TMEM200A: variants seen among roughly 807,000 people sequenced by gnomAD.
TMEM200A encodes two transmembrane C.
In TMEM200A, 12 loss-of-function variants were observed where a neutral mutation model predicts 24.3. The observed-to-expected ratio is 0.49, with a 90% CI of 0.32 to 0.80. The LOEUF (loss-of-function observed/expected upper bound fraction) is 0.80, where lower values mean the gene tolerates loss of function less well. Ranked by LOEUF, TMEM200A falls within the 30% of genes least tolerant of loss-of-function variation. The pLI is 0.04. For missense variants in TMEM200A, 545 were observed against 614.4 expected (o/e 0.89, Z 1.19); for synonymous variants, 224 against 224.4 (o/e 1.00, Z 0.02).
intron 1 of TMEM200A, among the ~76,000 whole-genome samples, chr6:130,378,909 A>G (rs1020983766): frequency 6.6e-6 from 1 of 152,212 alleles, no homozygotes; most frequent in Non-Finnish European, 1.5e-5. Flanking sequence ...GGATTATTAG[A>G]GTGCTGGCAA....
Position 130,441,586 on chromosome 6 carries a change from G to A in TMEM200A, c.1164G>A (p.Leu388=), listed in dbSNP as rs1025534976. The change falls in exon 3 of 3, where the codon TTG becomes TTA. Residue 388 remains leucine, a synonymous_variant. Coordinates refer to ENST00000296978, the MANE Select transcript of TMEM200A (RefSeq NM_001258277.2). The stretch of plus-strand genomic sequence containing the variant: ...GACAGTTTGGGTCCAATACATCCTT[G>A]CATTTGCTCTCGTCACACTCAAAGT... ...ARRQFGSNTS[L]HLLSSHSKSL... 5.0e-6 allele frequency: 8 copies of A among 1,613,864 alleles called. No individual in the cohort carries two copies. The highest frequency in any genetic ancestry group is 6.8e-6 in the Non-Finnish European group (8 of 1,179,996).
rs1041958296 is a variant in TMEM200A, at chr6:130,366,406, C to T, written c.-199C>T. 9 of 985,440 alleles carry T rather than the reference C, an allele frequency of 9.1e-6. No individual in the cohort carries two copies. The African/African-American group carries it at 1.2e-4, about 13-fold the overall frequency. 61.0% of individuals were successfully genotyped at this position (985,440 alleles called of 1,614,324 possible). Reference sequence around the variant, plus strand: ...CGAGATTCCCGCTGACGCCCCCGACCCTGCCGCCTTCTTCGTCCGCCTCCA... The same window carrying T: ...CGAGATTCCCGCTGACGCCCCCGACTCTGCCGCCTTCTTCGTCCGCCTCCA... On this transcript the variant is annotated 5_prime_UTR_variant, in exon 1 of 3. Coordinates refer to ENST00000296978, the MANE Select transcript of TMEM200A (RefSeq NM_001258277.2). This position sits in a 1 kb window ranked among gnomAD's most constrained non-coding sequence, Gnocchi z 4.4.
chr6:130,415,334 T>C (rs1779425056), intron 2 of TMEM200A, among the ~76,000 whole-genome samples: 2 of 152,112 alleles, frequency 1.3e-5, no homozygotes, highest in African/African-American at 4.8e-5. Flanking sequence ...GAGCAGAAGG[T>C]TCCTGTGTAC....
chr6:130,381,800 G>T, intron 1 of TMEM200A: 1 of 481,050 alleles, frequency 2.1e-6, no homozygotes, highest in Non-Finnish European at 2.7e-6. Flanking sequence ...GAAGCAGAAA[G>T]GTTTATTTGG....
intron 2 of TMEM200A, among the ~76,000 whole-genome samples, chr6:130,392,350 A>G (rs1778854055): frequency 6.6e-6 from 1 of 152,134 alleles, no homozygotes; most frequent in Non-Finnish European, 1.5e-5. Context: ...TTTTGCCCTC[A>G]CTATTTCCCT....
chr6:130,417,083 AT>A (rs999305959), intron 2 of TMEM200A, among the ~76,000 whole-genome samples: 2 of 152,134 alleles, frequency 1.3e-5, no homozygotes, highest in African/African-American at 4.8e-5. Context: ...TACATATCAT[AT>A]GTATAATTGT....
At chr6:130,430,022 G>A (rs1411822455) in intron 2 of TMEM200A, among the ~76,000 whole-genome samples, 1 of 152,120 alleles carries the variant, frequency 6.6e-6, no homozygotes, top group African/African-American at 2.4e-5. Flanking sequence ...TGTACTGCTG[G>A]GTTTTTACCA....
chr6:130,408,313 A>G (rs1453600663), intron 2 of TMEM200A, among the ~76,000 whole-genome samples: 2 of 152,160 alleles, frequency 1.3e-5, no homozygotes, highest in Non-Finnish European at 2.9e-5. Context: ...TTTTCCTCCA[A>G]CTACACTTGA....
intron 2 of TMEM200A, among the ~76,000 whole-genome samples, chr6:130,406,959 C>T (rs962953911): frequency 6.6e-6 from 1 of 152,128 alleles, no homozygotes; most frequent in East Asian, 1.9e-4. Flanking sequence ...CTATTTTTTC[C>T]TCTCTGCTAA....
In TMEM200A at chr6:130,441,699, A is replaced by G. The variant is rs201043446; in HGVS notation, c.1277A>G (p.Asn426Ser). The change falls in exon 3 of 3, where the codon AAC (asparagine) becomes AGC (serine). Residue 426 changes from asparagine to serine, a missense_variant. Physicochemically the swap from Asn to Ser is conservative, Grantham distance 46 (BLOSUM62 1). Coordinates refer to ENST00000296978, the MANE Select transcript of TMEM200A (RefSeq NM_001258277.2). ...HPSWPRLDRN[N>S]SKGYMKLENK... is the part of the protein sequence containing the mutation. ...AGTTGGCCTAGGTTGGATCGGAACAACAGCAAGGGATATATGAAACTAGAG... is the reference window on the plus strand; with the variant it reads ...AGTTGGCCTAGGTTGGATCGGAACAGCAGCAAGGGATATATGAAACTAGAG... The G allele has an allele frequency of 2.1e-4, 340 of 1,614,108 alleles. 1 individual carries two copies. In the Admixed American group the frequency reaches 2.9e-3, roughly 14 times the overall value.
At chr6:130,413,048 C>T (rs762072178) in intron 2 of TMEM200A, among the ~76,000 whole-genome samples, 24 of 152,036 alleles carry the variant, frequency 1.6e-4, no homozygotes, top group Non-Finnish European at 2.8e-4. Context: ...GATTTTGTGT[C>T]CAAAGTAATT....
chr6:130,419,559 T>C (rs989343449), intron 2 of TMEM200A, among the ~76,000 whole-genome samples: 15 of 152,198 alleles, frequency 9.9e-5, no homozygotes, highest in African/African-American at 3.6e-4. Flanking sequence ...ACTTCCCTTT[T>C]CTGTGCAGCC....
At chr6:130,375,800 A>T (rs1052946919) in intron 1 of TMEM200A, among the ~76,000 whole-genome samples, 1 of 152,126 alleles carries the variant, frequency 6.6e-6, no homozygotes, top group Non-Finnish European at 1.5e-5. Context: ...ATTAAAAATG[A>T]GTGTTGAGAT....
intron 2 of TMEM200A, among the ~76,000 whole-genome samples, chr6:130,395,752 G>T (rs1354725504): frequency 6.6e-6 from 1 of 152,174 alleles, no homozygotes; most frequent in Admixed American, 6.5e-5. Context: ...AGGGGATTGC[G>T]TTATGTATCC....
chr6:130,422,879 T>C (rs1413803379), intron 2 of TMEM200A, among the ~76,000 whole-genome samples: 4 of 152,214 alleles, frequency 2.6e-5, no homozygotes, highest in African/African-American at 9.6e-5. Flanking sequence ...CCAGTTGGCA[T>C]TTTTGAAATC....
In TMEM200A at chr6:130,366,497, G is replaced by T; in HGVS notation, c.-108G>T. The T allele has an allele frequency of 1.0e-6, 1 of 985,684 alleles. No individual in the cohort carries two copies. The highest frequency in any genetic ancestry group is 6.1e-5 in the Admixed American group (1 of 16,306). 61.1% of individuals were successfully genotyped at this position (985,684 alleles called of 1,614,324 possible). A position where few individuals can be genotyped will look rare whatever the true frequency, so the allele number is the denominator to read the frequency against. On this transcript the variant is annotated 5_prime_UTR_variant, in exon 1 of 3. Coordinates refer to ENST00000296978, the MANE Select transcript of TMEM200A (RefSeq NM_001258277.2). This position sits in a 1 kb window ranked among gnomAD's most constrained non-coding sequence, Gnocchi z 4.4. ...GACTGAGAACAGGGAGAGGCGACCC[G>T]ACCCCCAGGGCCCGGTGCTCAGGAC...
At chr6:130,435,006 A>AAATTCTTAGCACTAT (rs1428289793) in intron 2 of TMEM200A, among the ~76,000 whole-genome samples, 6 of 151,710 alleles carry the variant, frequency 4.0e-5, no homozygotes, top group Non-Finnish European at 8.8e-5. Context: ...GGTAATCTTG[A>AAATTCTTAGCACTAT]TGTCTATTGC....
At chr6:130,421,386 T>G (rs1779583079) in intron 2 of TMEM200A, 1 of 152,120 alleles carries the variant, frequency 6.6e-6, no homozygotes, top group African/African-American at 2.4e-5. Flanking sequence ...ATTTTTTTGT[T>G]TGTTTTTTAA....
intron 2 of TMEM200A, among the ~76,000 whole-genome samples, chr6:130,393,258 G>A (rs1209348078): frequency 6.6e-6 from 1 of 152,212 alleles, no homozygotes; most frequent in Admixed American, 6.5e-5. Flanking sequence ...ATTAAGTCAT[G>A]CTGTCTTCTT....
Sources: gnomAD v4.1 joint callset for allele counts (sites outside exome capture counted in the v4.1 genomes callset) on GRCh38, gnomAD v4.1.1 for gene constraint, Gnocchi (gnomAD v3.1) non-coding constraint, MANE v1.5 for transcripts, NCBI Gene and HGNC (gene_info 2026-07-23, HGNC 2026-07-21) for gene names.